RIMS1: variants seen among roughly 807,000 people sequenced by gnomAD.
RIMS1 encodes the protein regulating synaptic membrane exocytosis 1.
Under a neutral mutation model 214.1 loss-of-function variants are expected in RIMS1, and 83 were observed. The ratio of observed to expected loss-of-function variants is 0.39; its 90% confidence interval spans 0.32 to 0.47. RIMS1 has a LOEUF of 0.47. Among genes scored for constraint, RIMS1 ranks in the 20% least tolerant of loss-of-function variants. The pLI is 0.99. For missense variants in RIMS1, 2,050 were observed against 2,161.8 expected (o/e 0.95, Z 1.03); for synonymous variants, 793 against 786.8 (o/e 1.01, Z -0.13).
At chr6:72,087,893 C>T (rs1055745353) in intron 2 of RIMS1, among the ~76,000 whole-genome samples, 4 of 152,200 alleles carry the variant, frequency 2.6e-5, no homozygotes, top group African/African-American at 9.7e-5. Context: ...AAACTTTGGT[C>T]AACTTTAATT....
At chr6:72,360,945 T>A (rs1398206506) in intron 29 of RIMS1, among the ~76,000 whole-genome samples, 1 of 149,804 alleles carries the variant, frequency 6.7e-6, no homozygotes, top group Admixed American at 6.6e-5. Context: ...TTTTTTTTTT[T>A]TAAAAGTTAT....
chr6:72,077,348 C>T (rs1832175515), intron 2 of RIMS1, among the ~76,000 whole-genome samples: 1 of 152,210 alleles, frequency 6.6e-6, no homozygotes, highest in Non-Finnish European at 1.5e-5. Context: ...TACAAGTTTT[C>T]TGTGAACAAG....
chr6:72,176,978 T>C (rs1008232203), intron 4 of RIMS1, among the ~76,000 whole-genome samples: 7 of 152,228 alleles, frequency 4.6e-5, no homozygotes, highest in African/African-American at 1.7e-4. Flanking sequence ...CAGTTAGTTC[T>C]CATTGACCCA....
At chr6:72,233,724 C>T (rs1250440041) in intron 6 of RIMS1, 49 bp from the exon 7 acceptor site, 2 of 1,294,124 alleles carry the variant, frequency 1.5e-6, no homozygotes, top group Non-Finnish European at 2.2e-6. Flanking sequence ...AAGTGATACA[C>T]TCTTCTCTTT....
chr6:71,889,170 G>A (rs186805066), intron 1 of RIMS1, among the ~76,000 whole-genome samples: 17 of 152,298 alleles, frequency 1.1e-4, no homozygotes, highest in African/African-American at 3.9e-4. Context: ...GGATAGGAAG[G>A]GGAAGGCACG....
intron 4 of RIMS1, among the ~76,000 whole-genome samples, chr6:72,134,034 A>G (rs1269361193): frequency 6.6e-6 from 1 of 152,158 alleles, no homozygotes; most frequent in Non-Finnish European, 1.5e-5. Context: ...GATCAATAAT[A>G]TACATACAGC....
At chr6:72,117,173 C>T (rs149811728) in intron 4 of RIMS1, among the ~76,000 whole-genome samples, 61 of 151,946 alleles carry the variant, frequency 4.0e-4, no homozygotes, top group Non-Finnish European at 6.5e-4. Flanking sequence ...AATTTTAATT[C>T]AGTAGGTTTG....
chr6:71,923,795 C>T (rs1230639484), intron 1 of RIMS1, among the ~76,000 whole-genome samples: 4 of 152,048 alleles, frequency 2.6e-5, no homozygotes, highest in African/African-American at 7.2e-5. Context: ...AACTGCTGAC[C>T]TCAGGTGATC....
In RIMS1 at chr6:72,313,450, ATG is replaced by A. The variant is rs918652759; in HGVS notation, c.3964-54_3964-53del. 54 of 1,522,398 alleles carry A rather than the reference ATG, an allele frequency of 3.5e-5. No homozygotes were observed. The African/African-American group carries it at 7.1e-4, about 20-fold the overall frequency. The allele number at this position is 1,522,398 out of a possible 1,614,324, so 94.3% of individuals were successfully genotyped here. A position where few individuals can be genotyped will look rare whatever the true frequency, so the allele number is the denominator to read the frequency against. ...TAAGTAGTCATTCATCTCACCATCT[ATG>A]TTTTTTCCATTGTCTAATGATGGAG... is the stretch of plus-strand genomic sequence containing the variant. On this transcript the variant is annotated intron_variant, in intron 27 of 33. Transcript: ENST00000521978.
At chr6:72,224,395 C>A (rs2059554239) in intron 6 of RIMS1, among the ~76,000 whole-genome samples, 1 of 152,132 alleles carries the variant, frequency 6.6e-6, no homozygotes, top group East Asian at 1.9e-4. Flanking sequence ...TAGTTCCATG[C>A]AGCTAGTTAT....
intron 16 of RIMS1, among the ~76,000 whole-genome samples, chr6:72,253,153 C>A (rs1279111318): frequency 3.3e-5 from 5 of 151,976 alleles, no homozygotes; most frequent in Non-Finnish European, 5.9e-5. Context: ...AATAAAAATT[C>A]CATTTTTCTG....
intron 4 of RIMS1, among the ~76,000 whole-genome samples, chr6:72,126,975 A>G (rs917136894): frequency 6.6e-6 from 1 of 152,194 alleles, no homozygotes; most frequent in African/African-American, 2.4e-5. Context: ...ATACACGCAC[A>G]TGCATAATTT....
chr6:72,373,513 A>G (rs1029275686), intron 29 of RIMS1, among the ~76,000 whole-genome samples: 1 of 152,236 alleles, frequency 6.6e-6, no homozygotes, highest in Non-Finnish European at 1.5e-5. Flanking sequence ...GTCATTGTTT[A>G]TAGTCAATTT....
intron 15 of RIMS1, among the ~76,000 whole-genome samples, chr6:72,251,745 C>G (rs1275848396): frequency 6.6e-6 from 1 of 152,090 alleles, no homozygotes; most frequent in Non-Finnish European, 1.5e-5. Flanking sequence ...GAGTCTCACT[C>G]TGTTGCCCAG....
chr6:72,200,664 G>A (rs2051791176), intron 6 of RIMS1, among the ~76,000 whole-genome samples: 1 of 152,152 alleles, frequency 6.6e-6, no homozygotes, highest in Non-Finnish European at 1.5e-5. Context: ...TGCCATTGAT[G>A]AGGGAAGGAT....
intron 4 of RIMS1, chr6:72,148,632 T>A (rs757123640): frequency 2.2e-5 from 10 of 456,466 alleles, no homozygotes. Context: ...GGGAGCCCAG[T>A]CAGCAGGAAT....
At chr6:71,898,426 T>C (rs1772538961) in intron 1 of RIMS1, among the ~76,000 whole-genome samples, 3 of 152,204 alleles carry the variant, frequency 2.0e-5, no homozygotes, top group African/African-American at 4.8e-5. Flanking sequence ...TTCATTTTCA[T>C]TGCCCAACTC....
At position 72,218,640 on chromosome 6, in the gene RIMS1, A is replaced by G. The variant is rs538433905; in HGVS notation, c.1679-15133A>G. Among the ~76,000 whole-genome samples the G allele has an allele frequency of 2.0e-5, 3 of 152,316 alleles. No individual in the cohort carries two copies. The East Asian group carries it at 5.8e-4, about 29-fold the overall frequency. On this transcript the variant is annotated intron_variant, in intron 6 of 33. Coordinates refer to ENST00000521978, the MANE Select transcript of RIMS1 (RefSeq NM_014989.7). The stretch of plus-strand genomic sequence containing the variant: ...TAATAATTGCCAGTTTATAATGATC[A>G]TGAATCTTCTGTTGATGTTTATACT...
chr6:72,195,919 T>C (rs1242479976), intron 6 of RIMS1, among the ~76,000 whole-genome samples: 1 of 151,312 alleles, frequency 6.6e-6, no homozygotes, highest in East Asian at 1.9e-4. Flanking sequence ...AGAGCGAGAG[T>C]ATGAAGGAGG....
Sources: allele counts gnomAD v4.1 joint callset (sites outside exome capture counted in the v4.1 genomes callset), GRCh38; gene constraint gnomAD v4.1.1; transcripts MANE v1.5; gene names NCBI Gene and HGNC (gene_info 2026-07-23, HGNC 2026-07-21).